The following PCGF5 variants were observed in gnomAD, a reference collection of about 807,000 sequenced individuals.
The protein encoded by PCGF5 is polycomb group RING finger protein 5.
PCGF5 carries 9 observed loss-of-function variants against 44.3 expected under a neutral mutation model. The observed-to-expected ratio is 0.20, with a 90% CI of 0.12 to 0.35. The LOEUF (loss-of-function observed/expected upper bound fraction) is 0.35, where lower values mean the gene tolerates loss of function less well. PCGF5 is among the 10% of genes least tolerant of loss of function. The pLI is 1.00. For missense variants in PCGF5, 146 were observed against 305.3 expected (o/e 0.48, Z 3.89); for synonymous variants, 95 against 102.5 (o/e 0.93, Z 0.44).
chr10:91,169,567 A>C (rs1258669243), intron 1 of PCGF5, among the ~76,000 whole-genome samples: 2 of 152,230 alleles, frequency 1.3e-5, no homozygotes, highest in African/African-American at 4.8e-5. Context: ...TTAGATATAC[A>C]TCTAACAAAA....
At chr10:91,185,848 G>A (rs888749843) in intron 1 of PCGF5, among the ~76,000 whole-genome samples, 3 of 151,998 alleles carry the variant, frequency 2.0e-5, no homozygotes, top group Non-Finnish European at 4.4e-5. Context: ...TGGCTCCCTG[G>A]TGGGCCATCA....
chr10:91,190,126 G>A (rs528766716), intron 1 of PCGF5, among the ~76,000 whole-genome samples: 1 of 152,296 alleles, frequency 6.6e-6, no homozygotes, highest in East Asian at 1.9e-4. Context: ...TTGGTCTCTG[G>A]TGAGGACCCA....
chr10:91,224,967 T>C (rs1844778335), intron 2 of PCGF5, among the ~76,000 whole-genome samples: 1 of 152,094 alleles, frequency 6.6e-6, no homozygotes, highest in African/African-American at 2.4e-5. Flanking sequence ...CATTTGTTCA[T>C]TGTTTTTAAT....
At chr10:91,205,649 G>A (rs142185157) in intron 1 of PCGF5, among the ~76,000 whole-genome samples, 19 of 152,120 alleles carry the variant, frequency 1.2e-4, no homozygotes, top group African/African-American at 2.2e-4. Context: ...GCCCTGCATC[G>A]GACCACATCA....
intron 8 of PCGF5, among the ~76,000 whole-genome samples, chr10:91,265,597 T>C (rs1267362984): frequency 6.6e-6 from 1 of 152,146 alleles, no homozygotes; most frequent in Non-Finnish European, 1.5e-5. Context: ...CCAGATATAA[T>C]GAGGGTTGCC....
At chr10:91,228,160 G>A (rs994678885) in intron 2 of PCGF5, among the ~76,000 whole-genome samples, 1 of 152,138 alleles carries the variant, frequency 6.6e-6, no homozygotes, top group Non-Finnish European at 1.5e-5. Context: ...GGGATGTTCT[G>A]TCTCTTTCAC....
chr10:91,232,476 G>C (rs575783300), intron 2 of PCGF5, among the ~76,000 whole-genome samples: 1 of 152,076 alleles, frequency 6.6e-6, no homozygotes, highest in East Asian at 1.9e-4. Context: ...AGGGAAGTAG[G>C]GTCAACAGAA....
rs117412740 is a variant in PCGF5, at chr10:91,212,831, G to C, written c.-183-9858G>C. ...GAAGTAAGTTTAATTCATCTATTGGGACGTTTGGATTTTTATTAAGCTTGA... is the reference window on the plus strand; with the variant it reads ...GAAGTAAGTTTAATTCATCTATTGGCACGTTTGGATTTTTATTAAGCTTGA... On this transcript the variant is annotated intron_variant, in intron 1 of 9. Transcript: ENST00000614189. Among the ~76,000 whole-genome samples, 176 of 152,148 alleles carry C rather than the reference G, an allele frequency of 1.2e-3. 2 individuals are homozygous for C. In the East Asian group the frequency reaches 0.027, roughly 23 times the overall value.
chr10:91,242,418 A>AT (rs1006984466), intron 3 of PCGF5, among the ~76,000 whole-genome samples: 3 of 145,732 alleles, frequency 2.1e-5, no homozygotes, highest in African/African-American at 8.3e-5. Context: ...TTTTATTAAA[A>AT]TAAAAAACTG....
chr10:91,183,538 T>G (rs1365856180), intron 1 of PCGF5, among the ~76,000 whole-genome samples: 1 of 152,212 alleles, frequency 6.6e-6, no homozygotes, highest in East Asian at 1.9e-4. Context: ...TTCTGTGTCT[T>G]TTAATTGGGG....
intron 6 of PCGF5, among the ~76,000 whole-genome samples, chr10:91,254,551 T>C (rs1845702404): frequency 6.6e-6 from 1 of 152,062 alleles, no homozygotes; most frequent in South Asian, 2.1e-4. Context: ...TTGTCCTTGA[T>C]ACTAGACTGT....
upstream of PCGF5, among the ~76,000 whole-genome samples, chr10:91,160,553 G>A (rs763492914): frequency 2.0e-5 from 3 of 152,140 alleles, no homozygotes; most frequent in East Asian, 1.9e-4. Flanking sequence ...TCCTTCCATA[G>A]GCAACTGGTC....
At chr10:91,217,849 C>G (rs938231283), upstream of PCGF5, among the ~76,000 whole-genome samples, 1 of 152,188 alleles carries the variant, frequency 6.6e-6, no homozygotes, top group South Asian at 2.1e-4. Flanking sequence ...TGCAATGGCG[C>G]GATCTTGGCT....
intron 3 of PCGF5, among the ~76,000 whole-genome samples, chr10:91,246,762 T>C (rs1845469139): frequency 6.6e-6 from 1 of 152,204 alleles, no homozygotes; most frequent in South Asian, 2.1e-4. Context: ...GGAAAAATTA[T>C]GGTATCACTT....
chr10:91,213,462 A>G (rs1360270427), intron 1 of PCGF5, among the ~76,000 whole-genome samples: 1 of 137,584 alleles, frequency 7.3e-6, no homozygotes, highest in Non-Finnish European at 1.5e-5. Context: ...ATTTTATTTC[A>G]TTAAAAAAAA....
chr10:91,236,803 G>T (rs1422801009), intron 2 of PCGF5, among the ~76,000 whole-genome samples: 1 of 152,140 alleles, frequency 6.6e-6, no homozygotes, highest in Non-Finnish European at 1.5e-5. Flanking sequence ...TCTAATTTAT[G>T]TAAGGTTGTG....
intron 1 of PCGF5, chr10:91,163,170 G>A (rs184966063): frequency 6.7e-6 from 1 of 149,994 alleles, no homozygotes; most frequent in Admixed American, 6.6e-5. Flanking sequence ...GCGGGGCCGG[G>A]GGGGAGGCCC....
intron 6 of PCGF5, among the ~76,000 whole-genome samples, chr10:91,255,321 C>T (rs1293460230): frequency 6.6e-6 from 1 of 152,048 alleles, no homozygotes; most frequent in Non-Finnish European, 1.5e-5. Flanking sequence ...TCCCTAGGAG[C>T]TTCAAAAGGC....
At chr10:91,215,003 A>G (rs1324281912) in intron 1 of PCGF5, among the ~76,000 whole-genome samples, 1 of 152,236 alleles carries the variant, frequency 6.6e-6, no homozygotes, top group East Asian at 1.9e-4. Context: ...TAAAGAATCA[A>G]TGGTTACGGA....
Sources: gnomAD v4.1 joint callset for allele counts (sites outside exome capture counted in the v4.1 genomes callset) on GRCh38, gnomAD v4.1.1 for gene constraint, MANE v1.5 for transcripts, NCBI Gene and HGNC (gene_info 2026-07-23, HGNC 2026-07-21) for gene names.